The following SNX25 variants were observed in gnomAD, a reference collection of about 807,000 sequenced individuals.
SNX25 encodes sorting nexin-25.
In SNX25, 62 loss-of-function variants were observed where a neutral mutation model predicts 113.7. The ratio of observed to expected loss-of-function variants is 0.55; its 90% confidence interval spans 0.44 to 0.67. The LOEUF (loss-of-function observed/expected upper bound fraction) is 0.67. Ranked by LOEUF, SNX25 falls within the 30% of genes least tolerant of loss-of-function variation. SNX25 has a pLI of 0.00. For synonymous variants in SNX25, 421 were observed against 436.2 expected (o/e 0.97, Z 0.43); for missense variants, 1,014 against 1,161.0 (o/e 0.87, Z 1.84).
intron 3 of SNX25, among the ~76,000 whole-genome samples, chr4:185,261,083 G>A (rs1004249116): frequency 6.6e-6 from 1 of 150,728 alleles, no homozygotes; most frequent in Non-Finnish European, 1.5e-5. Flanking sequence ...CCAGTAAGAG[G>A]ACAGTATTCT....
chr4:185,291,303 C>T (rs536885519), intron 6 of SNX25, among the ~76,000 whole-genome samples: 2 of 152,316 alleles, frequency 1.3e-5, no homozygotes, highest in Non-Finnish European at 2.9e-5. Context: ...TACCACCCAT[C>T]TCCGGAACTT....
At chr4:185,231,583 C>T (rs1364414398) in intron 1 of SNX25, among the ~76,000 whole-genome samples, 1 of 151,728 alleles carries the variant, frequency 6.6e-6, no homozygotes, top group Non-Finnish European at 1.5e-5. Context: ...TGATGGTGGG[C>T]GCCTGTAGTC....
At chr4:185,211,494 GA>G (rs1737792172) in intron 1 of SNX25, among the ~76,000 whole-genome samples, 1 of 152,162 alleles carries the variant, frequency 6.6e-6, no homozygotes, top group Non-Finnish European at 1.5e-5. Flanking sequence ...GGCAAGTAAG[GA>G]CCCTGAGATT....
chr4:185,309,543 C>T (rs1458732706), intron 6 of SNX25, among the ~76,000 whole-genome samples: 2 of 152,140 alleles, frequency 1.3e-5, no homozygotes, highest in African/African-American at 4.8e-5. Context: ...GTAATTGGCC[C>T]CACCATCCCT....
downstream of SNX25, chr4:185,365,233 A>G (rs1164248527): frequency 6.6e-6 from 1 of 152,248 alleles, no homozygotes; most frequent in Non-Finnish European, 1.5e-5. Context: ...ACATATAAGC[A>G]TAGCATGTTA....
chr4:185,342,857 A>G lies in SNX25; in HGVS notation c.2187+741A>G, dbSNP rs565993781. On this transcript the variant is annotated intron_variant, in intron 12 of 18. Coordinates refer to ENST00000652585, the MANE Select transcript of SNX25 (RefSeq NM_001378034.2). The stretch of plus-strand genomic sequence containing the variant: ...CAGCTCTACTCTTCATGGCTGTGTG[A>G]CCTGGAATTTATTTATTTATTTATC... 3.9e-5 allele frequency among the ~76,000 whole-genome samples: 6 copies of G among 152,146 alleles called. No homozygotes were observed. The East Asian group carries it at 1.2e-3, about 29-fold the overall frequency.
At chr4:185,290,118 C>T (rs925886418) in intron 6 of SNX25, among the ~76,000 whole-genome samples, 2 of 152,296 alleles carry the variant, frequency 1.3e-5, no homozygotes, top group Middle Eastern at 3.4e-3. Context: ...TCATACTGCA[C>T]TGGGGCCCAT....
Position 185,339,399 on chromosome 4 carries a change from T to A in SNX25, c.1935T>A (p.Asp645Glu). Residue 645 changes from aspartate (D) to glutamate (E), a missense_variant, in exon 11 of 19, where the codon GAT becomes GAA. Physicochemically the swap from Asp to Glu is conservative, Grantham distance 45. Transcript: ENST00000652585. ...PDKKIVSKLK[D>E]EIILIEKERT... ...GGCAGATTGTTTCCAAGTTGAAGGA[T>A]GAAATAATCCTAATAGAGAAAGAAC... 1 of 1,614,038 alleles carries A rather than the reference T, an allele frequency of 6.2e-7. No individual in the cohort carries two copies. Among genetic ancestry groups the A allele is most frequent in the South Asian group, 1.1e-5 (1 of 91,082 alleles).
At chr4:185,273,341 C>G (rs1749219159) in intron 5 of SNX25, among the ~76,000 whole-genome samples, 1 of 152,180 alleles carries the variant, frequency 6.6e-6, no homozygotes, top group South Asian at 2.1e-4. Flanking sequence ...GGTGCAATCA[C>G]AGCTCACTGC....
rs1204784258 is a variant in SNX25 at position 185,334,586 on chromosome 4, A to G, written c.1914+1827A>G. On this transcript the variant is annotated intron_variant, in intron 10 of 18. Coordinates refer to ENST00000652585, the MANE Select transcript of SNX25 (RefSeq NM_001378034.2). The surrounding 1 kb of genome is among the most constrained non-coding windows in gnomAD (Gnocchi z 4.2). The stretch of plus-strand genomic sequence containing the variant: ...GCAATATGGCATGTTCTTTAAGAAC[A>G]GTTGTCTTATTTATTCTGGATTCAT... Among the ~76,000 whole-genome samples, 1 of 152,260 alleles carries G rather than the reference A, an allele frequency of 6.6e-6. No homozygotes were observed. The highest frequency in any genetic ancestry group is 2.4e-5 in the African/African-American group (1 of 41,474).
intron 3 of SNX25, 46 bp from the exon 4 acceptor site, chr4:185,264,392 T>C (rs749274285): frequency 1.7e-5 from 26 of 1,569,446 alleles, no homozygotes; most frequent in Non-Finnish European, 2.2e-5. Context: ...CATAATTGAA[T>C]TGTTTCTAGA....
downstream of SNX25, chr4:185,365,925 C>T (rs147878543): frequency 4.0e-4 from 61 of 152,244 alleles, no homozygotes; most frequent in African/African-American, 1.5e-3. Flanking sequence ...CAAGCCAGAA[C>T]ATAAAACGAG....
At chr4:185,368,911 A>AG (rs936525795), downstream of SNX25, among the ~76,000 whole-genome samples, 31 of 150,290 alleles carry the variant, frequency 2.1e-4, no homozygotes, top group Non-Finnish European at 1.5e-5. Flanking sequence ...CTCATGCCTC[A>AG]GCCTCCCGAG....
chr4:185,232,471 A>G lies in SNX25; in HGVS notation c.430-14823A>G, dbSNP rs1742020512. On this transcript the variant is annotated intron_variant, in intron 1 of 18. Coordinates refer to ENST00000652585, the MANE Select transcript of SNX25 (RefSeq NM_001378034.2). The surrounding 1 kb of genome is among the most constrained non-coding windows in gnomAD (Gnocchi z 4.4). ...CTTATCATGACTTTCTAGGTGCATGAGCCGTGCAGTTTGTCATGTCCACAG... is the reference window on the plus strand; with the variant it reads ...CTTATCATGACTTTCTAGGTGCATGGGCCGTGCAGTTTGTCATGTCCACAG... 6.6e-6 allele frequency among the ~76,000 whole-genome samples: 1 copy of G among 152,056 alleles called. No individual in the cohort carries two copies. Among genetic ancestry groups the G allele is most frequent in the African/African-American group, 2.4e-5 (1 of 41,380 alleles).
At chr4:185,295,175 A>G (rs1029853347) in intron 6 of SNX25, among the ~76,000 whole-genome samples, 5 of 152,146 alleles carry the variant, frequency 3.3e-5, no homozygotes, top group Admixed American at 1.3e-4. Context: ...AGATCTTTGC[A>G]TTTTGGAGGT....
chr4:185,288,048 A>T lies in SNX25; in HGVS notation c.1128A>T (p.Thr376=). Residue 376 remains threonine (T), a synonymous_variant, in exon 6 of 19, where the codon ACA becomes ACT. Coordinates refer to ENST00000652585, the MANE Select transcript of SNX25 (RefSeq NM_001378034.2). ...TAGTGGAAATAATCCAGGCGACTAC[A>T]ATTAGCAGCTTTCCCCAACTGAAGA... is the stretch of plus-strand genomic sequence containing the variant. ...QIVVEIIQAT[T]ISSFPQLKRH... 1 of 1,613,690 alleles carries T rather than the reference A, an allele frequency of 6.2e-7. No individual in the cohort carries two copies. The highest frequency in any genetic ancestry group is 8.5e-7 in the Non-Finnish European group (1 of 1,179,824).
At position 185,226,241 on chromosome 4, in the gene SNX25, C is replaced by T. The variant is rs1740982432; in HGVS notation, c.429+15986C>T. 2.6e-5 allele frequency among the ~76,000 whole-genome samples: 4 copies of T among 152,154 alleles called. No homozygotes were observed. In the South Asian group the frequency reaches 8.3e-4, roughly 32 times the overall value. On this transcript the variant is annotated intron_variant, in intron 1 of 18. Coordinates refer to ENST00000652585, the MANE Select transcript of SNX25 (RefSeq NM_001378034.2). ...TGGTGCCTTTTGGATTCTGCGATCA[C>T]TTTTTCTGCGGCTGTATTACTCTGT...
chr4:185,339,293 G>T (rs2095248193), intron 10 of SNX25, 86 bp from the exon 11 acceptor site: 2 of 1,256,124 alleles, frequency 1.6e-6, no homozygotes, highest in Admixed American at 1.9e-5. Context: ...GCTGATTATT[G>T]TGTGTTGACT....
intron 7 of SNX25, among the ~76,000 whole-genome samples, chr4:185,315,653 T>C (rs1415725590): frequency 6.6e-6 from 1 of 152,022 alleles, no homozygotes; most frequent in African/African-American, 2.4e-5. Context: ...AACCATACTC[T>C]TTCAAAAAAC....
Sources: gnomAD v4.1 joint callset for allele counts (sites outside exome capture counted in the v4.1 genomes callset) on GRCh38, gnomAD v4.1.1 for gene constraint, Gnocchi (gnomAD v3.1) non-coding constraint, MANE v1.5 for transcripts, NCBI Gene and HGNC (gene_info 2026-07-23, HGNC 2026-07-21) for gene names.